Variants in BCAS1 observed in about 807,000 individuals in gnomAD.
BCAS1 encodes the protein breast carcinoma-amplified sequence 1.
A neutral mutation model predicts 65.4 loss-of-function variants in BCAS1; 46 were observed. That is an observed-to-expected ratio of 0.70 (90% CI 0.55 to 0.90). The LOEUF is 0.90. BCAS1 is among the 40% of genes least tolerant of loss of function. The pLI is 0.00. For synonymous variants in BCAS1, 298 were observed against 293.5 expected (o/e 1.02, Z -0.16); for missense variants, 793 against 771.2 (o/e 1.03, Z -0.33).
intron 2 of BCAS1, 57 bp downstream of exon 2, chr20:54,058,590 G>GTTA: frequency 8.7e-6 from 11 of 1,259,212 alleles, no homozygotes; most frequent in East Asian, 3.0e-5. Flanking sequence ...AATACAGGAA[G>GTTA]TTCTTTTTTT....
intron 3 of BCAS1, among the ~76,000 whole-genome samples, chr20:54,029,897 T>C (rs563229136): frequency 5.3e-5 from 8 of 152,310 alleles, no homozygotes; most frequent in Non-Finnish European, 1.2e-4. Context: ...TGTATTAGCA[T>C]AGACTGTTAA....
chr20:54,065,645 T>C (rs2092430908), intron 1 of BCAS1, among the ~76,000 whole-genome samples: 1 of 152,222 alleles, frequency 6.6e-6, no homozygotes, highest in Non-Finnish European at 1.5e-5. Context: ...TCCTCGTGTT[T>C]GTAGCCAGGT....
intron 3 of BCAS1, among the ~76,000 whole-genome samples, chr20:54,055,323 A>C (rs1225308597): frequency 1.3e-5 from 2 of 152,202 alleles, no homozygotes; most frequent in African/African-American, 2.4e-5. Flanking sequence ...AGGAAGAAAA[A>C]GAGGTTGAAT....
intron 10 of BCAS1, among the ~76,000 whole-genome samples, chr20:53,958,435 G>A (rs144430359): frequency 6.6e-6 from 1 of 152,308 alleles, no homozygotes; most frequent in East Asian, 1.9e-4. Flanking sequence ...AGTATAGAGA[G>A]CAGGGTTTCA....
chr20:54,012,248 T>TG (rs1435672485), intron 4 of BCAS1, among the ~76,000 whole-genome samples: 1 of 152,000 alleles, frequency 6.6e-6, no homozygotes, highest in Non-Finnish European at 1.5e-5. Context: ...AAGAAAAGGA[T>TG]GGGGGTGAGA....
At chr20:54,013,937 C>T (rs1473363196) in intron 4 of BCAS1, among the ~76,000 whole-genome samples, 2 of 152,196 alleles carry the variant, frequency 1.3e-5, no homozygotes, top group Non-Finnish European at 2.9e-5. Flanking sequence ...ATACAAACAG[C>T]AATTATCTAC....
intron 12 of BCAS1, among the ~76,000 whole-genome samples, chr20:53,950,439 G>GC (rs3833997): frequency 0.5 from 75,088 of 149,300 alleles, 19,206 homozygotes; most frequent in Middle Eastern, 0.58. Flanking sequence ...AGCACACCCC[G>GC]CCCCCAGACA....
Position 53,944,969 on chromosome 20 carries a change from C to T in BCAS1, c.1843G>A (p.Val615Met). The change falls in exon 13 of 13, where the codon GTG (valine) becomes ATG (methionine). Residue 615 changes from valine (V) to methionine (M), a missense_variant. By Grantham distance (21) the Val-to-Met change is conservative. Coordinates refer to ENST00000688948, the MANE Select transcript of BCAS1 (RefSeq NM_001366298.2). The stretch of plus-strand genomic sequence containing the variant: ...CCGATGGATACTGGGTCTGTTTGCA[C>T]TTGAGCATCCAACATCCGCTTTGGT... ...LGPKRMLDAQ[V>M]QTDPVSIGPV... The T allele has an allele frequency of 1.9e-6, 3 of 1,614,116 alleles. No individual in the cohort carries two copies. Among genetic ancestry groups the T allele is most frequent in the South Asian group, 1.1e-5 (1 of 91,070 alleles).
chr20:54,006,571 G>A lies in BCAS1; in HGVS notation c.724-10521C>T, dbSNP rs545932355. Among the ~76,000 whole-genome samples, 6 of 152,182 alleles carry A rather than the reference G, an allele frequency of 3.9e-5. No homozygotes were observed. In the East Asian group the frequency reaches 5.8e-4, roughly 15 times the overall value. ...TTAAAAATACAAAAATTAGCTAGGC[G>A]TGGTGGTGCATGCCTGTAATCCCAG... On this transcript the variant is annotated intron_variant, in intron 4 of 12. Transcript: ENST00000688948.
At chr20:54,048,687 C>G (rs1372959092) in intron 3 of BCAS1, among the ~76,000 whole-genome samples, 4 of 152,186 alleles carry the variant, frequency 2.6e-5, no homozygotes, top group African/African-American at 9.7e-5. Context: ...ACTGCCACCT[C>G]CAGACTTCTT....
chr20:54,063,813 G>A (rs1011884807), intron 1 of BCAS1, among the ~76,000 whole-genome samples: 1 of 152,136 alleles, frequency 6.6e-6, no homozygotes, highest in Non-Finnish European at 1.5e-5. Context: ...TCAAAAAGGA[G>A]AAAAATAAAT....
chr20:53,948,469 C>G (rs549869131), intron 12 of BCAS1, among the ~76,000 whole-genome samples: 19 of 152,352 alleles, frequency 1.2e-4, no homozygotes, highest in African/African-American at 4.6e-4. Flanking sequence ...AATGGGTCTG[C>G]AGTCCCCCAA....
At position 53,992,518 on chromosome 20, in the gene BCAS1, C is replaced by T. The variant is rs1311494820; in HGVS notation, c.1056G>A (p.Arg352=). 1.5e-6 allele frequency: 2 copies of T among 1,365,540 alleles called. No individual in the cohort carries two copies. Among genetic ancestry groups the T allele is most frequent in the Non-Finnish European group, 2.0e-6 (2 of 1,021,682 alleles). The allele number at this position is 1,365,540 out of a possible 1,614,324, so 84.6% of individuals were successfully genotyped here. A position where few individuals can be genotyped will look rare whatever the true frequency, so the allele number is the denominator to read the frequency against. ...RLGLAFRKFF[R]HKGAEKSPTT... ...ACTTTAATAAGATACAGACCTTATG[C>T]CTAAAGAATTTTCTAAAGGCGAGTC... is the stretch of plus-strand genomic sequence containing the variant. The change falls in exon 7 of 13, where the codon AGG becomes AGA. Residue 352 remains arginine (R), a synonymous_variant. Coordinates refer to ENST00000688948, the MANE Select transcript of BCAS1 (RefSeq NM_001366298.2).
intron 4 of BCAS1, among the ~76,000 whole-genome samples, chr20:54,024,622 C>T (rs779631837): frequency 2.3e-4 from 35 of 152,232 alleles, no homozygotes; most frequent in Admixed American, 3.9e-4. Flanking sequence ...TAGAGATAGC[C>T]AAGAAGTGAA....
chr20:54,046,347 G>C (rs889321258), intron 3 of BCAS1, among the ~76,000 whole-genome samples: 2 of 151,702 alleles, frequency 1.3e-5, no homozygotes, highest in Admixed American at 1.3e-4. Context: ...GCCCAACATA[G>C]TGGAACCCCG....
chr20:54,049,812 C>T (rs1363549072), intron 3 of BCAS1, among the ~76,000 whole-genome samples: 1 of 152,128 alleles, frequency 6.6e-6, no homozygotes, highest in Non-Finnish European at 1.5e-5. Flanking sequence ...ACTATTATTC[C>T]AGTTTTACAG....
intron 1 of BCAS1, among the ~76,000 whole-genome samples, chr20:54,064,701 C>T (rs139886030): frequency 3.5e-4 from 54 of 152,332 alleles, no homozygotes; most frequent in Non-Finnish European, 7.2e-4. Flanking sequence ...GTGAGACAGG[C>T]ATCCGTAAAA....
chr20:53,949,221 CA>C (rs200409341), intron 12 of BCAS1, among the ~76,000 whole-genome samples: 24,128 of 152,146 alleles, frequency 0.16, 2,010 homozygotes, highest in Middle Eastern at 0.24. Flanking sequence ...CACACACACA[CA>C]CCCAGGTTTT....
Position 54,051,714 on chromosome 20 carries a change from G to T in BCAS1, c.142+6371C>A, listed in dbSNP as rs985569438. Reference sequence around the variant, plus strand: ...ATGTGAGCTGCTTTTGACTATGCTGGTTTTTTTTTTGTTTGTTGTTGTTGT... The same window carrying T: ...ATGTGAGCTGCTTTTGACTATGCTGTTTTTTTTTTTGTTTGTTGTTGTTGT... On this transcript the variant is annotated intron_variant, in intron 3 of 12. Transcript: ENST00000688948. Among the ~76,000 whole-genome samples the T allele has an allele frequency of 1.2e-4, 16 of 129,528 alleles. No homozygotes were observed. In the East Asian group the frequency reaches 2.8e-3, roughly 23 times the overall value. 85.0% of individuals were successfully genotyped at this position (129,528 alleles called of 152,430 possible). A position where few individuals can be genotyped will look rare whatever the true frequency, so the allele number is the denominator to read the frequency against.
Sources: allele counts gnomAD v4.1 joint callset (sites outside exome capture counted in the v4.1 genomes callset), GRCh38; gene constraint gnomAD v4.1.1; transcripts MANE v1.5; gene names NCBI Gene and HGNC (gene_info 2026-07-23, HGNC 2026-07-21).